Variants in GRIK1 observed in about 807,000 individuals in gnomAD.
GRIK1 encodes glutamate receptor ionotropic, kainate 1.
A neutral mutation model predicts 105.7 loss-of-function variants in GRIK1; 69 were observed. That is an observed-to-expected ratio of 0.65 (90% confidence interval 0.54 to 0.80). The LOEUF (loss-of-function observed/expected upper bound fraction) is 0.80, where lower values mean the gene tolerates loss of function less well. GRIK1 is among the 30% of genes least tolerant of loss of function. GRIK1 has a pLI of 0.00. For missense variants in GRIK1, 1,109 were observed against 1,167.3 expected (o/e 0.95, Z 0.73); for synonymous variants, 438 against 431.3 (o/e 1.02, Z -0.19).
intron 1 of GRIK1, among the ~76,000 whole-genome samples, chr21:29,792,803 C>T (rs1288400166): frequency 6.6e-6 from 1 of 152,138 alleles, no homozygotes; most frequent in African/African-American, 2.4e-5. Flanking sequence ...AGTGACAGTA[C>T]AAACGTAAAC....
intron 14 of GRIK1, among the ~76,000 whole-genome samples, chr21:29,567,568 C>A (rs1412536475): frequency 2.0e-5 from 3 of 152,040 alleles, no homozygotes; most frequent in African/African-American, 7.2e-5. Flanking sequence ...CAAAAGTGAT[C>A]TTATAAATGT....
chr21:29,844,416 C>T (rs546827219), intron 1 of GRIK1, among the ~76,000 whole-genome samples: 10 of 152,214 alleles, frequency 6.6e-5, no homozygotes, highest in African/African-American at 2.4e-4. Context: ...GTTTTGACTG[C>T]TGATTTGTCT....
chr21:29,710,785 CTCCCTCCTTCCT>C (rs1272178213), intron 1 of GRIK1, among the ~76,000 whole-genome samples: 214 of 48,942 alleles, frequency 4.4e-3, no homozygotes, highest in African/African-American at 9.0e-3. Context: ...CCCTCCCTCC[CTCCCTCCTTCCT>C]TCCTTCCTTC....
chr21:29,922,929 G>C (rs1291486086), intron 1 of GRIK1, among the ~76,000 whole-genome samples: 1 of 152,044 alleles, frequency 6.6e-6, no homozygotes, highest in Admixed American at 6.6e-5. Context: ...AACATAAAAT[G>C]GTTTTCTCAA....
chr21:29,579,020 A>G (rs542826351), intron 13 of GRIK1, among the ~76,000 whole-genome samples: 34 of 152,236 alleles, frequency 2.2e-4, no homozygotes, highest in Non-Finnish European at 4.4e-4. Flanking sequence ...ACTTATTTGT[A>G]TATTTGTATA....
intron 1 of GRIK1, among the ~76,000 whole-genome samples, chr21:29,821,470 C>T (rs2067305078): frequency 6.6e-6 from 1 of 151,974 alleles, no homozygotes; most frequent in Non-Finnish European, 1.5e-5. Context: ...TAAAGGTTTA[C>T]AGTATTGCAC....
intron 1 of GRIK1, among the ~76,000 whole-genome samples, chr21:29,806,183 T>C (rs186749673): frequency 3.0e-4 from 46 of 152,230 alleles, no homozygotes; most frequent in African/African-American, 1.1e-3. Flanking sequence ...GCATCAAAAT[T>C]TTACACAAAA....
intron 1 of GRIK1, among the ~76,000 whole-genome samples, chr21:29,909,646 GA>G (rs961871188): frequency 2.0e-5 from 3 of 151,544 alleles, no homozygotes; most frequent in Admixed American, 6.6e-5. Context: ...GTAATAATTA[GA>G]AAAAAAATAA....
intron 1 of GRIK1, among the ~76,000 whole-genome samples, chr21:29,872,942 A>G (rs1243613571): frequency 6.6e-6 from 1 of 152,202 alleles, no homozygotes; most frequent in African/African-American, 2.4e-5. Flanking sequence ...CAGTTAGGAA[A>G]GGCTTCAGAG....
intron 9 of GRIK1, among the ~76,000 whole-genome samples, chr21:29,595,236 C>A (rs1336864580): frequency 1.3e-5 from 2 of 151,944 alleles, no homozygotes; most frequent in African/African-American, 4.8e-5. Context: ...GAGGACATCC[C>A]CCCTCCCCTT....
At chr21:29,803,213 A>C (rs1301716242) in intron 1 of GRIK1, among the ~76,000 whole-genome samples, 1 of 152,178 alleles carries the variant, frequency 6.6e-6, no homozygotes, top group Admixed American at 6.5e-5. Context: ...TTGTTCCTAA[A>C]TTCCAACTTT....
chr21:29,652,856 G>T (rs570025021), intron 5 of GRIK1, among the ~76,000 whole-genome samples: 1 of 152,080 alleles, frequency 6.6e-6, no homozygotes, highest in African/African-American at 2.4e-5. Context: ...GAAACACTTC[G>T]CAATTTGCAT....
intron 1 of GRIK1, among the ~76,000 whole-genome samples, chr21:29,867,388 G>A (rs2068835396): frequency 6.6e-6 from 1 of 152,138 alleles, no homozygotes; most frequent in African/African-American, 2.4e-5. Flanking sequence ...AGGCAGAAAA[G>A]GGATAGGAGG....
chr21:29,682,904 A>C (rs1348499735), intron 3 of GRIK1, among the ~76,000 whole-genome samples: 1 of 152,116 alleles, frequency 6.6e-6, no homozygotes, highest in Non-Finnish European at 1.5e-5. Flanking sequence ...TCTCATATTC[A>C]GAATCTATAA....
intron 12 of GRIK1, among the ~76,000 whole-genome samples, chr21:29,582,918 G>A (rs901199445): frequency 4.6e-5 from 7 of 152,032 alleles, no homozygotes; most frequent in African/African-American, 1.7e-4. Flanking sequence ...GGGGAGAACC[G>A]GGCTTGAGGT....
Position 29,826,094 on chromosome 21 carries a change from G to C in GRIK1, c.118+113289C>G, listed in dbSNP as rs73897856. On this transcript the variant is annotated intron_variant, in intron 1 of 17. Coordinates refer to ENST00000327783, the MANE Select transcript of GRIK1 (RefSeq NM_001330994.2). ...AGCTTGGGCTTTCTTCCTGCCCTCT[G>C]CACACACTTTTCTCTCTTCCTCATA... Among the ~76,000 whole-genome samples the C allele has an allele frequency of 5.9e-3, 900 of 152,170 alleles. 9 individuals carry two copies. Among genetic ancestry groups the C allele is most frequent in the African/African-American group, 0.02 (846 of 41,524 alleles).
At chr21:29,591,983 C>T (rs1392566698) in intron 9 of GRIK1, among the ~76,000 whole-genome samples, 1 of 152,096 alleles carries the variant, frequency 6.6e-6, no homozygotes, top group Non-Finnish European at 1.5e-5. Flanking sequence ...TTCAGGAAGT[C>T]AAGATTGCAG....
chr21:29,561,995 T>C (rs1219236115), intron 14 of GRIK1, 146 bp from the exon 15 acceptor site: 2 of 625,618 alleles, frequency 3.2e-6, no homozygotes, highest in East Asian at 2.7e-5. Flanking sequence ...TCTCAAGGCT[T>C]CACTTTTGTA....
At chr21:29,807,643 T>C (rs569351596) in intron 1 of GRIK1, among the ~76,000 whole-genome samples, 1 of 152,178 alleles carries the variant, frequency 6.6e-6, no homozygotes, top group South Asian at 2.1e-4. Flanking sequence ...TAAAAAAACA[T>C]AGCAACAAAG....
Sources: gnomAD v4.1 joint callset for allele counts (sites outside exome capture counted in the v4.1 genomes callset) on GRCh38, gnomAD v4.1.1 for gene constraint, MANE v1.5 for transcripts, NCBI Gene and HGNC (gene_info 2026-07-23, HGNC 2026-07-21) for gene names.